The following SH3RF1 variants were observed in gnomAD, a reference collection of about 807,000 sequenced individuals.
The protein encoded by SH3RF1 is SH3 domain containing ring finger 1, also known as E3 ubiquitin-protein ligase SH3RF1.
A neutral mutation model predicts 74.0 loss-of-function variants in SH3RF1; 32 were observed. The observed-to-expected ratio is 0.43, with a 90% CI of 0.33 to 0.58. The LOEUF (loss-of-function observed/expected upper bound fraction) is 0.58. Ranked by LOEUF, SH3RF1 falls within the 20% of genes least tolerant of loss-of-function variation. The pLI is 0.05. For missense variants in SH3RF1, 954 were observed against 1,130.9 expected (o/e 0.84, Z 2.24); for synonymous variants, 396 against 439.6 (o/e 0.90, Z 1.24).
Position 169,195,430 on chromosome 4 carries a change from G to T in SH3RF1, c.394-38751C>A, listed in dbSNP as rs376322003. On this transcript the variant is annotated intron_variant, in intron 2 of 11. Coordinates refer to ENST00000284637, the MANE Select transcript of SH3RF1 (RefSeq NM_020870.4). ...GTTTCTTTTTTATTTATCATTCTTG[G>T]AGTTCACAGGATTTCTTGAGTTTGT... 8.7e-4 allele frequency among the ~76,000 whole-genome samples: 133 copies of T among 152,110 alleles called. 3 individuals are homozygous for T. The South Asian group carries it at 0.027, about 31-fold the overall frequency.
chr4:169,143,515 C>T (rs35565048), intron 4 of SH3RF1, among the ~76,000 whole-genome samples: 8,549 of 151,968 alleles, frequency 0.056, 341 homozygotes, highest in African/African-American at 0.12. Flanking sequence ...GGCTGTGCTC[C>T]CGAGGCTCAT....
At chr4:169,214,997 G>A (rs1730439868) in intron 2 of SH3RF1, among the ~76,000 whole-genome samples, 1 of 151,784 alleles carries the variant, frequency 6.6e-6, no homozygotes, top group African/African-American at 2.4e-5. Flanking sequence ...GTATAATGTT[G>A]AAAAAAAGTG....
intron 4 of SH3RF1, among the ~76,000 whole-genome samples, chr4:169,146,261 G>A (rs905498220): frequency 7.4e-5 from 10 of 135,320 alleles, no homozygotes; most frequent in African/African-American, 2.0e-4. Flanking sequence ...ACCAAGTCTC[G>A]CTCTGTAGCC....
At chr4:169,269,328 G>A (rs906261897) in intron 1 of SH3RF1, 21 bp from the exon 2 acceptor site, 6 of 1,139,574 alleles carry the variant, frequency 5.3e-6, no homozygotes, top group South Asian at 1.7e-5. Flanking sequence ...GGGGAAAAGG[G>A]GGAAAAGAGA....
At position 169,104,042 on chromosome 4, in the gene SH3RF1, A is replaced by C. The variant is rs190431602; in HGVS notation, c.2498+2805T>G. On this transcript the variant is annotated intron_variant, in intron 11 of 11. Coordinates refer to ENST00000284637, the MANE Select transcript of SH3RF1 (RefSeq NM_020870.4). The stretch of plus-strand genomic sequence containing the variant: ...AATTCCTTCTTTTCAGATGAACTGA[A>C]CAGCAGGAGCCTGCTGTTAGAAAGG... Among the ~76,000 whole-genome samples the C allele has an allele frequency of 1.1e-3, 175 of 152,234 alleles. 1 individual carries two copies. Among genetic ancestry groups the C allele is most frequent in the African/African-American group, 4.1e-3 (171 of 41,544 alleles).
chr4:169,164,481 T>C (rs554079373), intron 2 of SH3RF1, among the ~76,000 whole-genome samples: 59 of 152,332 alleles, frequency 3.9e-4, no homozygotes, highest in African/African-American at 1.2e-3. Context: ...ATCCATCTTT[T>C]TGAAACTGTC....
intron 2 of SH3RF1, 48 bp downstream of exon 2, chr4:169,268,772 T>C (rs1317886309): frequency 2.6e-6 from 4 of 1,511,270 alleles, no homozygotes; most frequent in Non-Finnish European, 3.5e-6. Flanking sequence ...AGAAAAAATG[T>C]GGACATTACC....
chr4:169,199,613 G>A (rs563638705), intron 2 of SH3RF1, among the ~76,000 whole-genome samples: 64 of 150,710 alleles, frequency 4.2e-4, no homozygotes, highest in Non-Finnish European at 7.4e-4. Context: ...CTTAGTGAAT[G>A]CGCAAAAAAA....
At chr4:169,148,832 TACAG>T (rs1733932785) in intron 4 of SH3RF1, among the ~76,000 whole-genome samples, 1 of 152,200 alleles carries the variant, frequency 6.6e-6, no homozygotes. Flanking sequence ...GAGCTTTCTA[TACAG>T]ACAAAGAAAT....
At chr4:169,100,887 G>A (rs2126934508) in intron 11 of SH3RF1, among the ~76,000 whole-genome samples, 1 of 152,226 alleles carries the variant, frequency 6.6e-6, no homozygotes, top group East Asian at 1.9e-4. Flanking sequence ...CCACACCTTG[G>A]CTCATGCAGT....
intron 11 of SH3RF1, among the ~76,000 whole-genome samples, chr4:169,099,508 T>A (rs1410094595): frequency 6.6e-6 from 1 of 152,222 alleles, no homozygotes; most frequent in Non-Finnish European, 1.5e-5. Context: ...AAAGCAATGA[T>A]GTAGTTGCCA....
intron 5 of SH3RF1, among the ~76,000 whole-genome samples, chr4:169,131,780 C>A (rs1733625042): frequency 6.6e-6 from 1 of 152,370 alleles, no homozygotes; most frequent in East Asian, 1.9e-4. Flanking sequence ...AGGAGTATAA[C>A]TTTGTAACTT....
intron 2 of SH3RF1, among the ~76,000 whole-genome samples, chr4:169,222,492 T>C (rs1167932707): frequency 6.8e-6 from 1 of 148,014 alleles, no homozygotes; most frequent in East Asian, 1.9e-4. Context: ...GTATTTTATA[T>C]ATATATTTTT....
At chr4:169,207,939 T>C (rs543326463) in intron 2 of SH3RF1, among the ~76,000 whole-genome samples, 1 of 151,172 alleles carries the variant, frequency 6.6e-6, no homozygotes, top group Non-Finnish European at 1.5e-5. Flanking sequence ...TCAGTAGGGG[T>C]GGGGGGATCC....
intron 2 of SH3RF1, among the ~76,000 whole-genome samples, chr4:169,216,190 C>A (rs547322557): frequency 3.0e-4 from 46 of 151,896 alleles, no homozygotes; most frequent in African/African-American, 1.1e-3. Flanking sequence ...ACTATTGAAT[C>A]TTTAGAAGTC....
chr4:169,210,505 T>G (rs970892428), intron 2 of SH3RF1, among the ~76,000 whole-genome samples: 26 of 152,222 alleles, frequency 1.7e-4, no homozygotes, highest in African/African-American at 6.0e-4. Context: ...TAAGCCTCTT[T>G]TAAAATTAAA....
At chr4:169,258,482 G>C (rs566002286) in intron 2 of SH3RF1, among the ~76,000 whole-genome samples, 1 of 152,204 alleles carries the variant, frequency 6.6e-6, no homozygotes, top group African/African-American at 2.4e-5. Flanking sequence ...AAAAATAAAA[G>C]TGCTACTATA....
chr4:169,100,129 C>T (rs1280015013), intron 11 of SH3RF1, among the ~76,000 whole-genome samples: 1 of 152,198 alleles, frequency 6.6e-6, no homozygotes, highest in Non-Finnish European at 1.5e-5. Context: ...AGGCCCTTTA[C>T]ATCTGCTGCT....
intron 2 of SH3RF1, among the ~76,000 whole-genome samples, chr4:169,208,051 G>C (rs1730290647): frequency 6.6e-6 from 1 of 152,120 alleles, no homozygotes; most frequent in African/African-American, 2.4e-5. Context: ...ACATCTGGGG[G>C]TAGGATGCTA....
Sources: allele counts gnomAD v4.1 joint callset (sites outside exome capture counted in the v4.1 genomes callset), GRCh38; gene constraint gnomAD v4.1.1; transcripts MANE v1.5; gene names NCBI Gene and HGNC (gene_info 2026-07-23, HGNC 2026-07-21).